Variants in DPH6 observed in about 807,000 individuals in gnomAD.
DPH6 encodes the protein diphthamine biosynthesis 6, also known as diphthine--ammonia ligase.
DPH6 carries 33 observed loss-of-function variants against 38.2 expected under a neutral mutation model. The ratio of observed to expected loss-of-function variants is 0.86; its 90% CI spans 0.65 to 1.15. DPH6 has a LOEUF of 1.15. Ranked by LOEUF, DPH6 falls within the 50% of genes most tolerant of loss-of-function variation. The probability of loss-of-function intolerance (pLI) is 0.00; values close to 1 mark genes in which losing one functional copy is unlikely to be tolerated. For missense variants in DPH6, 325 were observed against 320.0 expected (o/e 1.02, Z -0.12); for synonymous variants, 108 against 103.0 (o/e 1.05, Z -0.30).
intron 6 of DPH6, among the ~76,000 whole-genome samples, chr15:35,397,803 G>A (rs2053157727): frequency 6.6e-6 from 1 of 150,968 alleles, no homozygotes; most frequent in African/African-American, 2.4e-5. Context: ...ACTGGCCTGG[G>A]AGAAATGAGA....
At chr15:35,496,567 A>AAAAAAAATATATATATATATATATATAT in intron 3 of DPH6, among the ~76,000 whole-genome samples, 4 of 31,006 alleles carry the variant, frequency 1.3e-4, no homozygotes, top group Non-Finnish European at 2.1e-4. Flanking sequence ...AAAAAAAAAA[A>AAAAAAAATATATATATATATATATATAT]ATATATATAT....
At chr15:35,226,152 A>G (rs543084499) in intron 3 of DPH6, among the ~76,000 whole-genome samples, 1 of 152,142 alleles carries the variant, frequency 6.6e-6, no homozygotes, top group South Asian at 2.1e-4. Flanking sequence ...AAAAATAAAA[A>G]TATTATTATA....
chr15:35,477,383 A>T (rs1397782831), intron 3 of DPH6, among the ~76,000 whole-genome samples: 2 of 151,790 alleles, frequency 1.3e-5, no homozygotes, highest in Admixed American at 1.3e-4. Flanking sequence ...TTTTTGAAGT[A>T]AAAAAATGAA....
chr15:35,512,306 T>C (rs1347258842), intron 3 of DPH6, among the ~76,000 whole-genome samples: 1 of 152,120 alleles, frequency 6.6e-6, no homozygotes, highest in Non-Finnish European at 1.5e-5. Context: ...AGTCAGTTAA[T>C]AGCCAGGAGC....
intron 3 of DPH6, among the ~76,000 whole-genome samples, chr15:35,355,183 G>C (rs1457416181): frequency 6.6e-6 from 1 of 152,118 alleles, no homozygotes; most frequent in South Asian, 2.1e-4. Flanking sequence ...GTGTGTCTCT[G>C]CATGTGAGAT....
chr15:35,264,011 C>T (rs990043029), intron 3 of DPH6, among the ~76,000 whole-genome samples: 1 of 152,016 alleles, frequency 6.6e-6, no homozygotes, highest in African/African-American at 2.4e-5. Flanking sequence ...CCGCGCCCAA[C>T]ATAGTTTATA....
chr15:35,520,221 AAAAAAAAAC>A (rs1345061814), intron 3 of DPH6: 7 of 619,730 alleles, frequency 1.1e-5, no homozygotes, highest in African/African-American at 4.2e-5. Context: ...AACATGCTAC[AAAAAAAAAC>A]AAAAAAAAAA....
intron 3 of DPH6, chr15:35,237,892 G>C (rs1293069176): frequency 5.2e-6 from 7 of 1,341,694 alleles, no homozygotes; most frequent in African/African-American, 1.5e-5. Flanking sequence ...TGGAGGACGA[G>C]GAGGAGGAGG....
At chr15:35,174,348 T>C in the DPH6 span, among the ~76,000 whole-genome samples, 2 of 152,226 alleles carry the variant, frequency 1.3e-5, no homozygotes, top group African/African-American at 4.8e-5. Flanking sequence ...TCTTCAAAAT[T>C]ATATGTAAGC....
chr15:35,535,750 A>G (rs2055159513), intron 3 of DPH6, among the ~76,000 whole-genome samples: 1 of 152,174 alleles, frequency 6.6e-6, no homozygotes, highest in Non-Finnish European at 1.5e-5. Flanking sequence ...ACAGCTTGAG[A>G]TACATACCTC....
At chr15:35,338,882 G>A (rs2052397387) in intron 3 of DPH6, among the ~76,000 whole-genome samples, 1 of 152,146 alleles carries the variant, frequency 6.6e-6, no homozygotes, top group Admixed American at 6.5e-5. Flanking sequence ...GTCCTTTGTA[G>A]GGACATGGAT....
chr15:35,409,786 A>G (rs930728430), intron 6 of DPH6, among the ~76,000 whole-genome samples: 4 of 152,044 alleles, frequency 2.6e-5, no homozygotes, highest in Non-Finnish European at 5.9e-5. Context: ...CCATAAATTG[A>G]CTTAAATAAA....
intron 3 of DPH6, chr15:35,237,852 A>G (rs1469164233): frequency 1.3e-6 from 2 of 1,531,348 alleles, no homozygotes; most frequent in Non-Finnish European, 1.8e-6. Flanking sequence ...GATGAGGATG[A>G]GGAGGAGTAT....
At chr15:35,509,773 A>G (rs1023434056) in intron 3 of DPH6, among the ~76,000 whole-genome samples, 1 of 152,354 alleles carries the variant, frequency 6.6e-6, no homozygotes. Context: ...TTTCAAGCAT[A>G]GTGCTTAAGC....
At chr15:35,333,500 A>G (rs1008224802) in intron 3 of DPH6, among the ~76,000 whole-genome samples, 1 of 152,202 alleles carries the variant, frequency 6.6e-6, no homozygotes, top group African/African-American at 2.4e-5. Context: ...ATAGGCTAGC[A>G]CAATTAATAA....
At chr15:35,462,993 G>A (rs1052050117) in intron 3 of DPH6, among the ~76,000 whole-genome samples, 2 of 152,024 alleles carry the variant, frequency 1.3e-5, no homozygotes, top group Non-Finnish European at 2.9e-5. Context: ...ATCAATATGG[G>A]ATGAATTAAC....
At chr15:35,291,638 AT>A (rs1397583020) in intron 3 of DPH6, among the ~76,000 whole-genome samples, 1 of 152,108 alleles carries the variant, frequency 6.6e-6, no homozygotes, top group Non-Finnish European at 1.5e-5. Context: ...TAATCTCTTA[AT>A]GTTCTCACCT....
At chr15:35,216,673 C>A (rs1464040405), downstream of DPH6, among the ~76,000 whole-genome samples, 1 of 152,170 alleles carries the variant, frequency 6.6e-6, no homozygotes, top group Admixed American at 6.5e-5. Flanking sequence ...GCACTGAACT[C>A]TTTGCTAGAT....
At chr15:35,355,927 G>C (rs907631519) in intron 3 of DPH6, among the ~76,000 whole-genome samples, 1 of 152,198 alleles carries the variant, frequency 6.6e-6, no homozygotes, top group Non-Finnish European at 1.5e-5. Context: ...ACACCAACCA[G>C]ATGTAGATTT....
Sources: allele counts gnomAD v4.1 joint callset (sites outside exome capture counted in the v4.1 genomes callset), GRCh38; gene constraint gnomAD v4.1.1; transcripts MANE v1.5; gene names NCBI Gene and HGNC (gene_info 2026-07-23, HGNC 2026-07-21).